The following RB1 variants were observed in gnomAD, a reference collection of about 807,000 sequenced individuals.
The protein encoded by RB1 is retinoblastoma-associated protein.
RB1 carries 18 observed loss-of-function variants against 135.4 expected under a neutral mutation model. The ratio of observed to expected loss-of-function variants is 0.13; its 90% CI spans 0.09 to 0.20. The LOEUF (loss-of-function observed/expected upper bound fraction) is 0.20, where lower values mean the gene tolerates loss of function less well. Among genes scored for constraint, RB1 ranks in the 10% least tolerant of loss-of-function variants. The pLI, the probability that RB1 is intolerant of heterozygous loss-of-function variation, is 1.00. For missense variants in RB1, 868 were observed against 1,110.0 expected (o/e 0.78, Z 3.10); for synonymous variants, 365 against 373.2 (o/e 0.98, Z 0.25).
chr13:48,430,026 T>C (rs1949113600), intron 17 of RB1, among the ~76,000 whole-genome samples: 3 of 152,214 alleles, frequency 2.0e-5, no homozygotes, highest in Non-Finnish European at 2.9e-5. Context: ...TACAAGTTTG[T>C]TCACCTGTAG....
At position 48,381,237 on chromosome 13, in the gene RB1, T is replaced by C. The variant is rs778605641; in HGVS notation, c.1499-10T>C. On this transcript the variant is annotated splice_polypyrimidine_tract_variant and intron_variant, in intron 16 of 26. Coordinates refer to ENST00000267163, the MANE Select transcript of RB1 (RefSeq NM_000321.3). ...TTTCATAAATAGTTACTTTTTTTTT[T>C]CATTTTTAGGAAGTACATCTCAGAA... 2.5e-6 allele frequency: 4 copies of C among 1,593,208 alleles called. No individual in the cohort carries two copies. Among genetic ancestry groups the C allele is most frequent in the South Asian group, 2.3e-5 (2 of 86,974 alleles).
rs116580726 is a variant in RB1, at chr13:48,435,173, C to T, written c.1696-17820C>T. On this transcript the variant is annotated intron_variant, in intron 17 of 26. Coordinates refer to ENST00000267163, the MANE Select transcript of RB1 (RefSeq NM_000321.3). ...GAGTGGTTGAATCATTTTAAATTTC[C>T]GCCAGCAATATACGAGTGAGTGATC... Among the ~76,000 whole-genome samples the T allele has an allele frequency of 1.8e-3, 269 of 152,220 alleles. 1 individual carries two copies. The highest frequency in any genetic ancestry group is 5.5e-3 in the African/African-American group (230 of 41,538).
chr13:48,304,996 TGAAGG>T (rs1952068961), intron 1 of RB1, among the ~76,000 whole-genome samples: 1 of 152,194 alleles, frequency 6.6e-6, no homozygotes, highest in South Asian at 2.1e-4. Flanking sequence ...CACTAGATCT[TGAAGG>T]GAAGTATTTA....
At chr13:48,438,529 G>T (rs1228755580) in intron 17 of RB1, among the ~76,000 whole-genome samples, 3 of 151,218 alleles carry the variant, frequency 2.0e-5, no homozygotes, top group Non-Finnish European at 4.4e-5. Context: ...TTAGCACTTT[G>T]TATTGCTATT....
chr13:48,415,791 G>A (rs922059388), intron 17 of RB1: 7 of 152,186 alleles, frequency 4.6e-5, no homozygotes, highest in African/African-American at 1.7e-4. Context: ...TTCTACTGAG[G>A]AAGAGCCATA....
At chr13:48,327,478 A>G (rs1289966422) in intron 2 of RB1, among the ~76,000 whole-genome samples, 5 of 152,212 alleles carry the variant, frequency 3.3e-5, no homozygotes, top group Admixed American at 2.0e-4. Flanking sequence ...AACAGTTTAC[A>G]TATAAAAAAG....
At chr13:48,450,615 T>C (rs193285214) in intron 17 of RB1, among the ~76,000 whole-genome samples, 11 of 152,328 alleles carry the variant, frequency 7.2e-5, no homozygotes, top group African/African-American at 2.2e-4. Flanking sequence ...AGCTTTGTTC[T>C]TTTTGCTTAG....
chr13:48,320,219 G>A, intron 2 of RB1: 1 of 1,036,300 alleles, frequency 9.6e-7, no homozygotes, highest in Non-Finnish European at 1.4e-6. Context: ...TGCTCCTTGT[G>A]CACGGTGGGC....
chr13:48,418,557 G>T (rs954468008), intron 17 of RB1, among the ~76,000 whole-genome samples: 3 of 152,000 alleles, frequency 2.0e-5, no homozygotes, highest in Non-Finnish European at 4.4e-5. Context: ...AAAAGTAAAC[G>T]GGCTAAGTGC....
At chr13:48,328,281 G>T (rs1000285051) in intron 2 of RB1, 14 of 1,587,382 alleles carry the variant, frequency 8.8e-6, no homozygotes, top group African/African-American at 1.3e-5. Context: ...TTCATTAAAA[G>T]CTGCTGCTAC....
chr13:48,329,382 C>G (rs1226899864), intron 2 of RB1, among the ~76,000 whole-genome samples: 1 of 152,126 alleles, frequency 6.6e-6, no homozygotes, highest in Admixed American at 6.5e-5. Flanking sequence ...ATTATTTTCC[C>G]TAGTTTTATT....
At chr13:48,378,646 A>G (rs1022307019) in intron 13 of RB1, among the ~76,000 whole-genome samples, 1 of 152,030 alleles carries the variant, frequency 6.6e-6, no homozygotes, top group African/African-American at 2.4e-5. Flanking sequence ...TATAATAAAT[A>G]CATAAACCAG....
At chr13:48,375,665 A>G (rs1342169230) in intron 12 of RB1, among the ~76,000 whole-genome samples, 2 of 151,768 alleles carry the variant, frequency 1.3e-5, no homozygotes, top group African/African-American at 4.8e-5. Flanking sequence ...TACAACCTCC[A>G]TCTCCTGGGT....
intron 17 of RB1, among the ~76,000 whole-genome samples, chr13:48,442,836 T>C (rs991381495): frequency 1.3e-5 from 2 of 152,050 alleles, no homozygotes; most frequent in African/African-American, 4.8e-5. Flanking sequence ...AACAGAACAA[T>C]CACAAAATAT....
chr13:48,471,739 C>A (rs1261491229), intron 23 of RB1, among the ~76,000 whole-genome samples: 1 of 152,126 alleles, frequency 6.6e-6, no homozygotes, highest in Non-Finnish European at 1.5e-5. Flanking sequence ...CTAAACAAAG[C>A]AGGTTACTTT....
At chr13:48,411,871 C>A (rs201663895) in intron 17 of RB1, 2 of 1,613,642 alleles carry the variant, frequency 1.2e-6, no homozygotes. Flanking sequence ...ATGAAAATTA[C>A]AATCCTTGAG....
At chr13:48,379,748 T>C in intron 14 of RB1, 98 bp downstream of exon 14, 1 of 1,417,146 alleles carries the variant, frequency 7.1e-7, no homozygotes. Context: ...GATCAGGAGG[T>C]CAAGGCATCA....
chr13:48,452,879 G>C, intron 17 of RB1, 114 bp from the exon 18 acceptor site: 3 of 1,451,232 alleles, frequency 2.1e-6, no homozygotes, highest in Non-Finnish European at 2.8e-6. Flanking sequence ...AATTGCCACT[G>C]TCAATTGTGC....
chr13:48,318,533 GC>G, intron 2 of RB1: 1 of 858,272 alleles, frequency 1.2e-6, no homozygotes, highest in Non-Finnish European at 1.8e-6. Context: ...CCTTGGCTGC[GC>G]CCTCCCCTCC....
Sources: allele counts gnomAD v4.1 joint callset (sites outside exome capture counted in the v4.1 genomes callset), GRCh38; gene constraint gnomAD v4.1.1; transcripts MANE v1.5; gene names NCBI Gene and HGNC (gene_info 2026-07-23, HGNC 2026-07-21).